The following CCDC163 variants were observed in gnomAD, a reference collection of about 807,000 sequenced individuals.
CCDC163 encodes the protein CCDC163 homolog.
In CCDC163, 13 loss-of-function variants were observed where a neutral mutation model predicts 8.2. The observed-to-expected ratio is 1.59, with a 90% confidence interval of 1.04 to 2.54. CCDC163 has a LOEUF of 2.54. CCDC163 is among the 30% of genes most tolerant of loss of function. The pLI, the probability that CCDC163 is intolerant of heterozygous loss-of-function variation, is 0.00. For missense variants in CCDC163, 117 were observed against 78.6 expected (o/e 1.49, Z -1.85); for synonymous variants, 41 against 30.9 (o/e 1.33, Z -1.08).
chr1:45,499,230 A>G, intron 2 of CCDC163, 115 bp downstream of exon 2: 1 of 703,520 alleles, frequency 1.4e-6, no homozygotes, highest in Non-Finnish European at 2.6e-6. Context: ...TGTGTGGGGA[A>G]ACAGAGTTCA....
chr1:45,497,197 C>A, intron 3 of CCDC163, 102 bp downstream of exon 3: 1 of 596,834 alleles, frequency 1.7e-6, no homozygotes, highest in South Asian at 2.1e-5. Context: ...GACTCCATCT[C>A]AAAAAGAATA....
Position 45,499,982 on chromosome 1 carries a change from GAA to G in CCDC163, c.-375_-374del, listed in dbSNP as rs1243509377. ...GGGTTCAAAACTTCGGGTTGGTTTT[GAA>G]AGTCCGACTTTGGACTGGCTGCCGC... On this transcript the variant is annotated 5_prime_UTR_variant, in exon 1 of 5. Transcript: ENST00000629482. 2.0e-6 allele frequency: 1 copy of G among 492,744 alleles called. No homozygotes were observed. The highest frequency in any genetic ancestry group is 1.9e-5 in the African/African-American group (1 of 51,638). The allele number at this position is 492,744 out of a possible 1,614,324, so 30.5% of individuals were successfully genotyped here. A position where few individuals can be genotyped will look rare whatever the true frequency, so the allele number is the denominator to read the frequency against.
At chr1:45,499,501 C>T (rs973847607) in intron 1 of CCDC163, 31 bp downstream of exon 1, 26 of 777,516 alleles carry the variant, frequency 3.3e-5, no homozygotes, top group Non-Finnish European at 6.2e-5. Flanking sequence ...AGCCTCCCCA[C>T]GCAAACTGGG....
chr1:45,498,617 G>GC (rs997464193), intron 2 of CCDC163: 3 of 152,854 alleles, frequency 2.0e-5, no homozygotes, highest in African/African-American at 7.2e-5. Context: ...CCCCTTTGGG[G>GC]CCCCCTGCAG....
chr1:45,497,680 G>A (rs1338214698), intron 2 of CCDC163, among the ~76,000 whole-genome samples: 153 of 59,748 alleles, frequency 2.6e-3, no homozygotes, highest in Middle Eastern at 0.017. Context: ...GTCTCCGCCC[G>A]GCAGCCACCC....
At position 45,499,627 on chromosome 1, in the gene CCDC163, C is replaced by G. The variant is rs376450068; in HGVS notation, c.-18G>C. 1 of 752,258 alleles carries G rather than the reference C, an allele frequency of 1.3e-6. No homozygotes were observed. The highest frequency in any genetic ancestry group is 2.5e-6 in the Non-Finnish European group (1 of 404,104). 46.6% of individuals were successfully genotyped at this position (752,258 alleles called of 1,614,324 possible). ...GTATTCATATCCTGTGGCAGGGGAGCGGCAGGGGTCTGGCTCCCTGGTGTC... is the reference window on the plus strand; with the variant it reads ...GTATTCATATCCTGTGGCAGGGGAGGGGCAGGGGTCTGGCTCCCTGGTGTC... On this transcript the variant is annotated 5_prime_UTR_variant, in exon 1 of 5. Transcript: ENST00000629482.
At chr1:45,497,806 G>A (rs61788327) in intron 2 of CCDC163, among the ~76,000 whole-genome samples, 1 of 145,034 alleles carries the variant, frequency 6.9e-6, no homozygotes, top group Non-Finnish European at 1.5e-5. Flanking sequence ...GGAGGTGAGG[G>A]GTGCCTCTGC....
intron 2 of CCDC163, among the ~76,000 whole-genome samples, chr1:45,498,045 C>A (rs1417360714): frequency 2.0e-5 from 3 of 150,676 alleles, no homozygotes; most frequent in Non-Finnish European, 4.4e-5. Context: ...AAGAAAAATT[C>A]TTCTGCCTTG....
intron 2 of CCDC163, chr1:45,498,394 CAA>C (rs779532347): frequency 3.7e-4 from 39 of 104,310 alleles, no homozygotes; most frequent in African/African-American, 5.4e-4. Context: ...AAAACAAACC[CAA>C]AAAAAAAAAA....
chr1:45,496,012 T>C (rs754230453), intron 4 of CCDC163, among the ~76,000 whole-genome samples: 2 of 152,124 alleles, frequency 1.3e-5, no homozygotes, highest in African/African-American at 4.8e-5. Context: ...ACTGACTCTC[T>C]ATCAGGTAAA....
Position 45,497,355 on chromosome 1 carries a change from A to T in CCDC163, c.206T>A (p.Leu69Gln), listed in dbSNP as rs1320312964. The T allele has an allele frequency of 1.3e-6, 1 of 780,034 alleles. No homozygotes were observed. The highest frequency in any genetic ancestry group is 1.7e-5 in the Admixed American group (1 of 58,990). 48.3% of individuals were successfully genotyped at this position (780,034 alleles called of 1,614,324 possible). Residue 69 changes from leucine (L) to glutamine (Q), a missense_variant, in exon 3 of 5, where the codon CTG becomes CAG. Leu to Gln is a moderately radical substitution (Grantham distance 113). Coordinates refer to ENST00000629482, the MANE Select transcript of CCDC163 (RefSeq NM_001102601.3). ...CTGCATAATCTCTGACTCCTCCCAC[A>T]GCACTGCAGGAGTGACAGCAGTGCT... The part of the protein sequence containing the change: ...QNSTAVTPAV[L>Q]WEESEIMQKE...
rs1041846826 is a variant in CCDC163, at chr1:45,496,318, T to A, written c.330+238A>T. 21 of 615,510 alleles carry A rather than the reference T, an allele frequency of 3.4e-5. No individual in the cohort carries two copies. The Admixed American group carries it at 4.5e-4, about 13-fold the overall frequency. 38.1% of individuals were successfully genotyped at this position (615,510 alleles called of 1,614,324 possible). A position where few individuals can be genotyped will look rare whatever the true frequency, so the allele number is the denominator to read the frequency against. ...AAACCTCTCCCTCTCTCCCTCCCCA[T>A]GACTGTCCTCTTCAGCACACTTGGA... On this transcript the variant is annotated intron_variant, in intron 4 of 4. Coordinates refer to ENST00000629482, the MANE Select transcript of CCDC163 (RefSeq NM_001102601.3).
At chr1:45,498,869 C>T (rs908509022) in intron 2 of CCDC163, among the ~76,000 whole-genome samples, 3 of 152,206 alleles carry the variant, frequency 2.0e-5, no homozygotes, top group Non-Finnish European at 2.9e-5. Context: ...CACTGCCTGC[C>T]TTAGTGCCTG....
chr1:45,497,417 CAAGTA>C, intron 2 of CCDC163, 34 bp from the exon 3 acceptor site: 2 of 774,234 alleles, frequency 2.6e-6, no homozygotes, highest in Non-Finnish European at 4.8e-6. Flanking sequence ...AGTAAGAAGG[CAAGTA>C]GAGTATCTAG....
At position 45,499,984 on chromosome 1, in the gene CCDC163, A is replaced by C; in HGVS notation, c.-375T>G. 1 of 492,598 alleles carries C rather than the reference A, an allele frequency of 2.0e-6. No homozygotes were observed. Among genetic ancestry groups the C allele is most frequent in the Non-Finnish European group, 3.7e-6 (1 of 269,356 alleles). The allele number at this position is 492,598 out of a possible 1,614,324, so 30.5% of individuals were successfully genotyped here. A position where few individuals can be genotyped will look rare whatever the true frequency, so the allele number is the denominator to read the frequency against. ...GTTCAAAACTTCGGGTTGGTTTTGA[A>C]AGTCCGACTTTGGACTGGCTGCCGC... On this transcript the variant is annotated 5_prime_UTR_variant, in exon 1 of 5. Coordinates refer to ENST00000629482, the MANE Select transcript of CCDC163 (RefSeq NM_001102601.3).
At chr1:45,499,059 C>G (rs1254198421) in intron 2 of CCDC163, among the ~76,000 whole-genome samples, 10 of 152,192 alleles carry the variant, frequency 6.6e-5, no homozygotes, top group Admixed American at 6.5e-4. Flanking sequence ...AGGATGGGCT[C>G]TAGGACTCAG....
chr1:45,497,999 A>T (rs1264229469), intron 2 of CCDC163, among the ~76,000 whole-genome samples: 3 of 149,448 alleles, frequency 2.0e-5, no homozygotes, highest in African/African-American at 2.5e-5. Flanking sequence ...TGTAGAAAGA[A>T]GTAGACATGG....
intron 3 of CCDC163, 124 bp downstream of exon 3, chr1:45,497,175 G>A: frequency 3.6e-6 from 2 of 554,060 alleles, no homozygotes; most frequent in Non-Finnish European, 6.5e-6. Flanking sequence ...GCGAGGCTGG[G>A]CAACAGAGCA....
chr1:45,495,611 A>AG (rs1282980727), intron 4 of CCDC163: 2 of 675,120 alleles, frequency 3.0e-6, no homozygotes, highest in Non-Finnish European at 5.4e-6. Flanking sequence ...CTTCCAACAC[A>AG]GAACTGTCCT....
Sources: allele counts gnomAD v4.1 joint callset (sites outside exome capture counted in the v4.1 genomes callset), GRCh38; gene constraint gnomAD v4.1.1; transcripts MANE v1.5; gene names NCBI Gene and HGNC (gene_info 2026-07-23, HGNC 2026-07-21).